Variants in PLIN3 observed in about 807,000 individuals in gnomAD.
PLIN3 encodes the protein perilipin 3, also known as perilipin-3.
PLIN3 carries 30 observed loss-of-function variants against 35.9 expected under a neutral mutation model. That is an observed-to-expected ratio of 0.84 (90% confidence interval 0.62 to 1.13). The LOEUF (loss-of-function observed/expected upper bound fraction) is 1.13. Ranked by LOEUF, PLIN3 falls within the 50% of genes most tolerant of loss-of-function variation. The pLI is 0.00. For synonymous variants in PLIN3, 261 were observed against 262.5 expected (o/e 0.99, Z 0.06); for missense variants, 603 against 596.9 (o/e 1.01, Z -0.11).
At chr19:4,843,545 TC>T (rs1410656922) in intron 7 of PLIN3, among the ~76,000 whole-genome samples, 4 of 90,134 alleles carry the variant, frequency 4.4e-5, no homozygotes, top group African/African-American at 1.3e-4. Context: ...AAATAATTGA[TC>T]TGGGGTCGGG....
At position 4,839,304 on chromosome 19, in the gene PLIN3, C is replaced by A. The variant is rs751566130; in HGVS notation, c.1193G>T (p.Arg398Leu). 15 of 1,613,908 alleles carry A rather than the reference C, an allele frequency of 9.3e-6. No individual in the cohort carries two copies. The African/African-American group carries it at 1.7e-4, about 19-fold the overall frequency. The change falls in exon 8 of 8, where the codon CGC (arginine) becomes CTC (leucine). Residue 398 changes from arginine (R) to leucine (L), a missense_variant. By Grantham distance (102) the Arg-to-Leu change is moderately radical. Transcript: ENST00000221957. Reference sequence around the variant, plus strand: ...TTCCACCATGTGGTCCAGGGCCTCGCGGGCGCTGGCGACACGCTCACGGCT... The same window carrying A: ...TTCCACCATGTGGTCCAGGGCCTCGAGGGCGCTGGCGACACGCTCACGGCT... ...AQSRERVASA[R>L]EALDHMVEYV...
At chr19:4,861,266 G>T in intron 2 of PLIN3, 63 bp downstream of exon 2, 3 of 1,450,576 alleles carry the variant, frequency 2.1e-6, no homozygotes, top group South Asian at 1.1e-5. Context: ...ACCCTGGGGT[G>T]GGAAGCCTCC....
intron 4 of PLIN3, 43 bp from the exon 5 acceptor site, chr19:4,852,344 A>G (rs1398986659): frequency 6.3e-7 from 1 of 1,576,052 alleles, no homozygotes; most frequent in Admixed American, 1.7e-5. Flanking sequence ...TTCCCTCCAT[A>G]TCTGGGCACC....
intron 4 of PLIN3, among the ~76,000 whole-genome samples, chr19:4,857,976 T>TAA (rs60122189): frequency 4.8e-5 from 6 of 124,210 alleles, no homozygotes; most frequent in Admixed American, 8.4e-5. Flanking sequence ...AACTCCATCT[T>TAA]AAAAAAAAAA....
At chr19:4,863,965 C>G (rs944149379) in intron 1 of PLIN3, among the ~76,000 whole-genome samples, 2 of 152,064 alleles carry the variant, frequency 1.3e-5, no homozygotes, top group Non-Finnish European at 2.9e-5. Context: ...CGGATTTCCG[C>G]TCTGTCGCCC....
chr19:4,866,439 G>A (rs7246083), intron 1 of PLIN3, among the ~76,000 whole-genome samples: 37,129 of 152,058 alleles, frequency 0.24, 4,906 homozygotes, highest in East Asian at 0.4. Flanking sequence ...ACAAGAGCCT[G>A]GAGTCCCTGT....
intron 1 of PLIN3, among the ~76,000 whole-genome samples, chr19:4,863,508 A>AG (rs1326817301): frequency 6.7e-6 from 1 of 150,308 alleles, no homozygotes; most frequent in Non-Finnish European, 1.5e-5. Flanking sequence ...AAAAAAAAAA[A>AG]AAAAAGAGAT....
In PLIN3 at chr19:4,843,350, C is replaced by CA. The variant is rs199696337; in HGVS notation, c.960+1317dup. On this transcript the variant is annotated intron_variant, in intron 7 of 7. Coordinates refer to ENST00000221957, the MANE Select transcript of PLIN3 (RefSeq NM_005817.5). The stretch of plus-strand genomic sequence containing the variant: ...TGAAATCGCGTCTCTACTAAAAATA[C>CA]AAAAAAAATTAGCTGGGCCTGGTGG... Among the ~76,000 whole-genome samples, 164 of 151,314 alleles carry CA rather than the reference C, an allele frequency of 1.1e-3. 1 individual carries two copies. Among genetic ancestry groups the CA allele is most frequent in the East Asian group, 4.9e-3 (25 of 5,154 alleles).
intron 7 of PLIN3, among the ~76,000 whole-genome samples, chr19:4,843,201 A>T (rs1018737504): frequency 1.4e-5 from 2 of 140,116 alleles, no homozygotes; most frequent in Non-Finnish European, 3.1e-5. Flanking sequence ...CAGCCTGGGC[A>T]ACAGAGCAAT....
chr19:4,859,036 C>T (rs1023759996), intron 4 of PLIN3, among the ~76,000 whole-genome samples: 1 of 152,070 alleles, frequency 6.6e-6, no homozygotes, highest in Non-Finnish European at 1.5e-5. Flanking sequence ...GACTTTCCTG[C>T]CGCCAACCTT....
chr19:4,858,171 C>T (rs1438442049), intron 4 of PLIN3, among the ~76,000 whole-genome samples: 1 of 146,032 alleles, frequency 6.8e-6, no homozygotes, highest in Non-Finnish European at 1.5e-5. Flanking sequence ...TACTCAGCAG[C>T]CTGAGGCAGG....
chr19:4,850,731 G>A (rs1157720669), intron 5 of PLIN3, among the ~76,000 whole-genome samples: 2 of 151,250 alleles, frequency 1.3e-5, no homozygotes, highest in Admixed American at 6.6e-5. Context: ...CACCGTGCCC[G>A]GCCTAATTTT....
At chr19:4,862,275 C>T (rs1032956604) in intron 1 of PLIN3, among the ~76,000 whole-genome samples, 2 of 152,022 alleles carry the variant, frequency 1.3e-5, no homozygotes, top group Non-Finnish European at 2.9e-5. Context: ...GGACTACAGG[C>T]GTGTGCCACT....
In PLIN3 at chr19:4,861,397, T is replaced by A. The variant is rs1442533290; in HGVS notation, c.-3A>T. 1 of 1,612,030 alleles carries A rather than the reference T, an allele frequency of 6.2e-7. No homozygotes were observed. Among genetic ancestry groups the A allele is most frequent in the East Asian group, 2.2e-5 (1 of 44,872 alleles). ...GCCTCTGCCCCGTCGGCAGACATGGTCTCTGCAGCAGACGCTGAGGAGAGA... is the reference window on the plus strand; with the variant it reads ...GCCTCTGCCCCGTCGGCAGACATGGACTCTGCAGCAGACGCTGAGGAGAGA... On this transcript the variant is annotated 5_prime_UTR_variant, in exon 2 of 8. Coordinates refer to ENST00000221957, the MANE Select transcript of PLIN3 (RefSeq NM_005817.5).
chr19:4,839,669 T>A, intron 7 of PLIN3, 133 bp from the exon 8 acceptor site: 1 of 393,308 alleles, frequency 2.5e-6, no homozygotes, highest in Non-Finnish European at 4.1e-6. Context: ...AGGCGAAACT[T>A]TTTTTTTTTT....
At chr19:4,844,385 G>T (rs1303308367) in intron 7 of PLIN3, among the ~76,000 whole-genome samples, 1 of 152,090 alleles carries the variant, frequency 6.6e-6, no homozygotes, top group Non-Finnish European at 1.5e-5. Context: ...AGAATCACTC[G>T]AACCCAGGAG....
chr19:4,864,246 G>A (rs760972094), intron 1 of PLIN3, among the ~76,000 whole-genome samples: 2 of 151,272 alleles, frequency 1.3e-5, no homozygotes, highest in Non-Finnish European at 2.9e-5. Flanking sequence ...TCCGCCTTCT[G>A]GGTTCAAGCG....
intron 4 of PLIN3, among the ~76,000 whole-genome samples, chr19:4,854,970 C>A (rs1265927580): frequency 6.6e-6 from 1 of 151,868 alleles, no homozygotes; most frequent in Non-Finnish European, 1.5e-5. Flanking sequence ...CAAAAATTGG[C>A]CGGGCACGGT....
At chr19:4,847,048 C>G (rs2030121454) in intron 6 of PLIN3, among the ~76,000 whole-genome samples, 1 of 151,672 alleles carries the variant, frequency 6.6e-6, no homozygotes, top group African/African-American at 2.4e-5. Context: ...TGCCATTGTA[C>G]CTGGCTAATT....
Sources: gnomAD v4.1 joint callset for allele counts (sites outside exome capture counted in the v4.1 genomes callset) on GRCh38, gnomAD v4.1.1 for gene constraint, MANE v1.5 for transcripts, NCBI Gene and HGNC (gene_info 2026-07-23, HGNC 2026-07-21) for gene names.